UBR2: variants seen among roughly 807,000 people sequenced by gnomAD.
UBR2 encodes E3 ubiquitin-protein ligase UBR2.
UBR2 carries 92 observed loss-of-function variants against 247.9 expected under a neutral mutation model. That is an observed-to-expected ratio of 0.37 (90% confidence interval 0.31 to 0.44). UBR2 has a LOEUF of 0.44. UBR2 is among the 20% of genes least tolerant of loss of function. The pLI is 1.00. For synonymous variants in UBR2, 672 were observed against 693.5 expected (o/e 0.97, Z 0.49); for missense variants, 1,613 against 2,112.6 (o/e 0.76, Z 4.64).
chr6:42,613,586 A>T (rs372133748), intron 8 of UBR2, among the ~76,000 whole-genome samples: 94 of 152,190 alleles, frequency 6.2e-4, no homozygotes, highest in African/African-American at 2.1e-3. Context: ...AAGAAAATAA[A>T]TATCTTTACA....
At chr6:42,661,360 TTTAAC>T (rs1797794636) in intron 30 of UBR2, among the ~76,000 whole-genome samples, 1 of 152,208 alleles carries the variant, frequency 6.6e-6, no homozygotes, top group South Asian at 2.1e-4. Flanking sequence ...GCTAATTTTA[TTTAAC>T]TTATTACTTC....
rs1391373694 is a variant in UBR2 at position 42,628,224 on chromosome 6, G to C, written c.1282-4328G>C. Reference sequence around the variant, plus strand: ...CTAGTTGTTCTTGTTGGAAATGTTGGTCATCCTCAAGCTACTTCATCATGA... The same window carrying C: ...CTAGTTGTTCTTGTTGGAAATGTTGCTCATCCTCAAGCTACTTCATCATGA... On this transcript the variant is annotated intron_variant, in intron 11 of 46. Coordinates refer to ENST00000372901, the MANE Select transcript of UBR2 (RefSeq NM_001363705.2). 4.0e-5 allele frequency among the ~76,000 whole-genome samples: 6 copies of C among 151,508 alleles called. No individual in the cohort carries two copies. In the East Asian group the frequency reaches 9.7e-4, roughly 24 times the overall value.
intron 43 of UBR2, 96 bp downstream of exon 43, chr6:42,683,207 CTTT>C: frequency 1.0e-6 from 1 of 991,668 alleles, no homozygotes; most frequent in South Asian, 1.6e-5. Flanking sequence ...CTTCTCAAGC[CTTT>C]AGTGATTCCA....
At chr6:42,688,523 T>C in intron 45 of UBR2, 137 bp downstream of exon 45, 2 of 1,016,174 alleles carry the variant, frequency 2.0e-6, no homozygotes, top group Non-Finnish European at 2.8e-6. Context: ...GTGGAGCTCC[T>C]TGTCGCCTCA....
At chr6:42,686,326 C>T (rs1397522444) in intron 44 of UBR2, among the ~76,000 whole-genome samples, 9 of 151,628 alleles carry the variant, frequency 5.9e-5, no homozygotes. Context: ...CAAAGCACAT[C>T]TTGCACCGCC....
intron 2 of UBR2, among the ~76,000 whole-genome samples, chr6:42,588,243 GA>G (rs1792422019): frequency 6.6e-6 from 1 of 152,244 alleles, no homozygotes; most frequent in African/African-American, 2.4e-5. Context: ...CAGCCAGATG[GA>G]AGAGACTTAA....
intron 11 of UBR2, among the ~76,000 whole-genome samples, chr6:42,625,797 G>A (rs1211962929): frequency 6.6e-6 from 1 of 150,930 alleles, no homozygotes; most frequent in African/African-American, 2.4e-5. Flanking sequence ...ACCTTTAGTT[G>A]CGTTGATTTA....
At chr6:42,634,804 T>C (rs1312858588) in intron 13 of UBR2, among the ~76,000 whole-genome samples, 1 of 152,234 alleles carries the variant, frequency 6.6e-6, no homozygotes, top group African/African-American at 2.4e-5. Flanking sequence ...TGGGTGTTTA[T>C]TATAATACTA....
chr6:42,587,249 C>T (rs551125037), intron 2 of UBR2, among the ~76,000 whole-genome samples: 2 of 152,268 alleles, frequency 1.3e-5, no homozygotes, highest in African/African-American at 4.8e-5. Flanking sequence ...ATCTTGCTCC[C>T]AGGGATCTTC....
intron 11 of UBR2, 139 bp from the exon 12 acceptor site, chr6:42,632,413 A>C (rs1007804014): frequency 1.5e-6 from 1 of 648,796 alleles, no homozygotes; most frequent in Non-Finnish European, 2.3e-6. Flanking sequence ...TTAGAAATAC[A>C]CAGTAATGCA....
chr6:42,640,115 A>T, intron 15 of UBR2, 94 bp from the exon 16 acceptor site: 1 of 951,732 alleles, frequency 1.1e-6, no homozygotes, highest in Non-Finnish European at 1.6e-6. Flanking sequence ...AAGAGAAAAG[A>T]AGTTAGATAT....
At chr6:42,677,803 T>G (rs952322440) in intron 40 of UBR2, among the ~76,000 whole-genome samples, 1 of 152,192 alleles carries the variant, frequency 6.6e-6, no homozygotes, top group Non-Finnish European at 1.5e-5. Flanking sequence ...TGATATTATT[T>G]ATATTAGCAA....
chr6:42,575,991 A>G (rs949766524), intron 2 of UBR2, among the ~76,000 whole-genome samples: 1 of 151,916 alleles, frequency 6.6e-6, no homozygotes, highest in African/African-American at 2.4e-5. Flanking sequence ...TCATATCTCT[A>G]TCATCCTTTG....
intron 42 of UBR2, 58 bp from the exon 43 acceptor site, chr6:42,682,997 T>A (rs1242367269): frequency 3.3e-6 from 5 of 1,501,042 alleles, no homozygotes; most frequent in African/African-American, 2.9e-5. Context: ...GGGGAAAAAA[T>A]TCTAGTTCTA....
At chr6:42,601,962 T>C (rs6939722) in intron 4 of UBR2, among the ~76,000 whole-genome samples, 215 of 96,510 alleles carry the variant, frequency 2.2e-3, no homozygotes, top group African/African-American at 8.1e-3. Context: ...CTCCGTCTCC[T>C]GGGTTCAAGC....
At chr6:42,572,102 A>G (rs1213424240) in intron 1 of UBR2, among the ~76,000 whole-genome samples, 1 of 152,096 alleles carries the variant, frequency 6.6e-6, no homozygotes, top group African/African-American at 2.4e-5. Context: ...CAGGGAAGAA[A>G]TGCTGTTGTT....
At chr6:42,681,322 T>G (rs1799038384) in intron 42 of UBR2, among the ~76,000 whole-genome samples, 2 of 152,230 alleles carry the variant, frequency 1.3e-5, no homozygotes, top group African/African-American at 4.8e-5. Flanking sequence ...GTGAGCTGCA[T>G]GCCATTCCAC....
At position 42,614,203 on chromosome 6, in the gene UBR2, A is replaced by ATATAT. The variant is rs1562310747; in HGVS notation, c.986-868_986-867insTATAT. Among the ~76,000 whole-genome samples, 53 of 54,776 alleles carry ATATAT rather than the reference A, an allele frequency of 9.7e-4. 1 individual carries two copies. The highest frequency in any genetic ancestry group is 3.2e-3 in the South Asian group (5 of 1,576). The allele number at this position is 54,776 out of a possible 152,430, so 35.9% of individuals were successfully genotyped here. On this transcript the variant is annotated intron_variant, in intron 8 of 46. Transcript: ENST00000372901. ...AAAAAAAAAAAAAAAAAAAAAAAAA[A>ATATAT]AACTATATATATATACACACACACA...
chr6:42,605,611 T>C (rs997158076), intron 5 of UBR2, 110 bp from the exon 6 acceptor site: 20 of 888,624 alleles, frequency 2.3e-5, no homozygotes, highest in South Asian at 2.3e-5. Context: ...TTTACAGATA[T>C]GTGTCCAGTA....
Sources: gnomAD v4.1 joint callset for allele counts (sites outside exome capture counted in the v4.1 genomes callset) on GRCh38, gnomAD v4.1.1 for gene constraint, MANE v1.5 for transcripts, NCBI Gene and HGNC (gene_info 2026-07-23, HGNC 2026-07-21) for gene names.